Variants in PGCKA1 observed in about 807,000 individuals in gnomAD.
PGCKA1 encodes the protein PDCD10 and GCKIII kinases associated 1.
At chr4:37,527,153 A>C in the PGCKA1 span, among the ~76,000 whole-genome samples, 1 of 152,160 alleles carries the variant, frequency 6.6e-6, no homozygotes, top group Non-Finnish European at 1.5e-5. Context: ...TAAAGAAAGA[A>C]AATCATTTTA....
At chr4:37,510,008 G>A in the PGCKA1 span, among the ~76,000 whole-genome samples, 1 of 151,442 alleles carries the variant, frequency 6.6e-6, no homozygotes, top group East Asian at 2.0e-4. Context: ...AGGGGGAGAG[G>A]GAGAGGGAGA....
the PGCKA1 span, among the ~76,000 whole-genome samples, chr4:37,592,489 A>G: frequency 6.6e-6 from 1 of 152,206 alleles, no homozygotes; most frequent in Non-Finnish European, 1.5e-5. Flanking sequence ...TCTTACCTCA[A>G]AGATGAACAA....
chr4:37,535,108 G>A, the PGCKA1 span, among the ~76,000 whole-genome samples: 1 of 152,186 alleles, frequency 6.6e-6, no homozygotes, highest in Admixed American at 6.5e-5. Flanking sequence ...TCCGGAAGAG[G>A]CCAACACTGA....
the PGCKA1 span, among the ~76,000 whole-genome samples, chr4:37,500,010 C>A: frequency 1.3e-5 from 2 of 150,488 alleles, no homozygotes; most frequent in Non-Finnish European, 2.9e-5. Context: ...GCAAGCTCCG[C>A]TTCCTGGGTT....
chr4:37,458,536 A>G, the PGCKA1 span, among the ~76,000 whole-genome samples: 9 of 152,106 alleles, frequency 5.9e-5, no homozygotes, highest in African/African-American at 2.2e-4. Flanking sequence ...TCTGCCTCTG[A>G]GTATTGGCGG....
At chr4:37,457,344 G>A in the PGCKA1 span, among the ~76,000 whole-genome samples, 1 of 152,188 alleles carries the variant, frequency 6.6e-6, no homozygotes, top group Non-Finnish European at 1.5e-5. Context: ...ATGGCCTGCT[G>A]TATGTCACAG....
the PGCKA1 span, among the ~76,000 whole-genome samples, chr4:37,468,724 A>G: frequency 6.9e-6 from 1 of 145,312 alleles, no homozygotes; most frequent in African/African-American, 2.5e-5. Context: ...CATCTGCTTG[A>G]TGTTTTAGAC....
the PGCKA1 span, among the ~76,000 whole-genome samples, chr4:37,527,772 G>A: frequency 6.6e-6 from 1 of 151,796 alleles, no homozygotes; most frequent in African/African-American, 2.4e-5. Flanking sequence ...GGAGCTTGCA[G>A]TGAGCCGAGA....
At chr4:37,571,466 G>A in the PGCKA1 span, among the ~76,000 whole-genome samples, 5 of 135,032 alleles carry the variant, frequency 3.7e-5, no homozygotes, top group South Asian at 1.0e-3. Context: ...GGGTTCAAAC[G>A]ATTCTCCTGC....
At chr4:37,483,651 G>A in the PGCKA1 span, among the ~76,000 whole-genome samples, 1 of 152,042 alleles carries the variant, frequency 6.6e-6, no homozygotes, top group Non-Finnish European at 1.5e-5. Flanking sequence ...ACCCCTATAC[G>A]CAGATATCAA....
chr4:37,519,615 T>G, the PGCKA1 span, among the ~76,000 whole-genome samples: 1 of 152,238 alleles, frequency 6.6e-6, no homozygotes, highest in Non-Finnish European at 1.5e-5. Flanking sequence ...GCTGATTTTG[T>G]ATCCTGCTGC....
chr4:37,463,084 CTCTTAAAGGA>C, the PGCKA1 span, among the ~76,000 whole-genome samples: 1 of 151,972 alleles, frequency 6.6e-6, no homozygotes, highest in African/African-American at 2.4e-5. Context: ...AGAATGGGAC[CTCTTAAAGGA>C]TCTCCCATAA....
chr4:37,519,572 G>A, the PGCKA1 span, among the ~76,000 whole-genome samples: 8 of 152,098 alleles, frequency 5.3e-5, no homozygotes, highest in African/African-American at 1.9e-4. Flanking sequence ...ATTGTTCACT[G>A]TTGGCGTATG....
At chr4:37,576,379 T>C in the PGCKA1 span, among the ~76,000 whole-genome samples, 5 of 152,128 alleles carry the variant, frequency 3.3e-5, no homozygotes, top group East Asian at 9.6e-4. Context: ...CTTTTTTGGA[T>C]TGTTCACTCT....
the PGCKA1 span, among the ~76,000 whole-genome samples, chr4:37,530,808 G>A: frequency 1.1e-4 from 17 of 151,936 alleles, no homozygotes; most frequent in South Asian, 1.5e-3. Flanking sequence ...GAAGCCCCCC[G>A]TCTCCACTAA....
At chr4:37,527,207 CG>C in the PGCKA1 span, among the ~76,000 whole-genome samples, 1 of 151,894 alleles carries the variant, frequency 6.6e-6, no homozygotes, top group Non-Finnish European at 1.5e-5. Context: ...AGTGTTACTA[CG>C]AAAGAGTCAA....
At chr4:37,487,041 A>G in the PGCKA1 span, among the ~76,000 whole-genome samples, 2 of 152,186 alleles carry the variant, frequency 1.3e-5, no homozygotes, top group Non-Finnish European at 2.9e-5. Context: ...TGATGTCTAC[A>G]CTGGGAGTGA....
At chr4:37,567,513 C>T in the PGCKA1 span, among the ~76,000 whole-genome samples, 1 of 152,328 alleles carries the variant, frequency 6.6e-6, no homozygotes, top group East Asian at 1.9e-4. Context: ...AGTCACAAAG[C>T]TAGTAAGCAG....
the PGCKA1 span, among the ~76,000 whole-genome samples, chr4:37,489,710 A>G: frequency 6.6e-6 from 1 of 152,176 alleles, no homozygotes; most frequent in Non-Finnish European, 1.5e-5. Flanking sequence ...TCTGTGTGCC[A>G]GTTGTTGTTG....
Sources: allele counts gnomAD v4.1 joint callset (sites outside exome capture counted in the v4.1 genomes callset), GRCh38; gene constraint gnomAD v4.1.1; transcripts MANE v1.5; gene names NCBI Gene and HGNC (gene_info 2026-07-23, HGNC 2026-07-21).